CCPG1: variants seen among roughly 807,000 people sequenced by gnomAD.
CCPG1 encodes cell cycle progression 1, also known as cell cycle progression protein 1.
In CCPG1, 46 loss-of-function variants were observed where a neutral mutation model predicts 81.3. The ratio of observed to expected loss-of-function variants is 0.57; its 90% CI spans 0.45 to 0.72. CCPG1 has a LOEUF of 0.72. Ranked by LOEUF, CCPG1 falls within the 30% of genes least tolerant of loss-of-function variation. CCPG1 has a pLI of 0.00. For missense variants in CCPG1, 902 were observed against 937.6 expected, an observed-to-expected ratio of 0.96 and a Z score of 0.50; for synonymous variants, 330 against 305.2, an observed-to-expected ratio of 1.08 and a Z score of -0.85.
chr15:55,406,056 G>C lies in CCPG1; in HGVS notation c.-10+2165C>G, dbSNP rs1229365058. 3.9e-5 allele frequency among the ~76,000 whole-genome samples: 6 copies of C among 152,300 alleles called. No homozygotes were observed. In the East Asian group the frequency reaches 1.2e-3, roughly 29 times the overall value. ...ATTTTTGTATTTTTAGTAGAGACGG[G>C]GTTTTGCCACGTTGGCCAGGCTGGC... On this transcript the variant is annotated intron_variant, in intron 1 of 8. Transcript: ENST00000442196.
At chr15:55,382,708 A>G (rs1401014420) in intron 3 of CCPG1, among the ~76,000 whole-genome samples, 1 of 151,962 alleles carries the variant, frequency 6.6e-6, no homozygotes, top group Non-Finnish European at 1.5e-5. Flanking sequence ...ATGGGATTTC[A>G]CCGTGTGAGC....
intron 5 of CCPG1, among the ~76,000 whole-genome samples, chr15:55,375,193 A>G (rs1343484677): frequency 6.6e-6 from 1 of 152,212 alleles, no homozygotes; most frequent in African/African-American, 2.4e-5. Flanking sequence ...CAACTTCCTG[A>G]AAAAAGTTAA....
intron 1 of CCPG1, among the ~76,000 whole-genome samples, chr15:55,395,927 A>G (rs1040831249): frequency 6.6e-6 from 1 of 152,102 alleles, no homozygotes; most frequent in East Asian, 1.9e-4. Flanking sequence ...AGGCCAAGGC[A>G]GGCAGATCAG....
At position 55,387,941 on chromosome 15, in the gene CCPG1, CG is replaced by C. The variant is rs2056835657; in HGVS notation, c.60+1423del. Among the ~76,000 whole-genome samples the C allele has an allele frequency of 4.7e-5, 7 of 148,906 alleles. No homozygotes were observed. The South Asian group carries it at 1.6e-3, about 33-fold the overall frequency. On this transcript the variant is annotated intron_variant, in intron 2 of 8. Transcript: ENST00000442196. ...CCGAGGCGGGCGGATCACCTGGCGT[CG>C]GGAGTTCGAGACCAGCCTGACCAAC...
intron 6 of CCPG1, among the ~76,000 whole-genome samples, chr15:55,368,106 G>C (rs916407509): frequency 2.0e-5 from 3 of 152,184 alleles, no homozygotes; most frequent in African/African-American, 7.2e-5. Flanking sequence ...GGTATATGGA[G>C]AGGTGACTTT....
chr15:55,382,928 T>C (rs1304166782), intron 3 of CCPG1, among the ~76,000 whole-genome samples: 5 of 152,200 alleles, frequency 3.3e-5, no homozygotes, highest in African/African-American at 9.6e-5. Context: ...TCCAAACTCC[T>C]GTTAATGTTG....
chr15:55,356,577 T>C, intron 8 of CCPG1, 168 bp from the exon 9 acceptor site: 40 of 1,236,766 alleles, frequency 3.2e-5, no homozygotes, highest in Non-Finnish European at 4.1e-5. Context: ...GGAGTCTGTA[T>C]TAGTTTTTTT....
chr15:55,365,741 C>G (rs756074069), intron 6 of CCPG1, among the ~76,000 whole-genome samples: 17 of 151,388 alleles, frequency 1.1e-4, no homozygotes, highest in Non-Finnish European at 2.2e-4. Context: ...ACAATCATTT[C>G]ATTCAGAGTA....
At chr15:55,379,262 C>T (rs1463115496) in intron 3 of CCPG1, among the ~76,000 whole-genome samples, 2 of 151,150 alleles carry the variant, frequency 1.3e-5, no homozygotes, top group Non-Finnish European at 2.9e-5. Context: ...TGACTCATAC[C>T]TGTCACCCTA....
At chr15:55,390,250 G>T (rs1045138500) in intron 1 of CCPG1, among the ~76,000 whole-genome samples, 3 of 152,144 alleles carry the variant, frequency 2.0e-5, no homozygotes, top group African/African-American at 7.2e-5. Context: ...AAATAACTGT[G>T]TCAGCAATAC....
chr15:55,365,419 G>GTTTTTTTTTTTTTGTTTTTTTTTTTTT (rs111247245), intron 6 of CCPG1, 110 bp from the exon 7 acceptor site: 1 of 446,370 alleles, frequency 2.2e-6, no homozygotes, highest in African/African-American at 2.9e-5. Flanking sequence ...TCTTTTTTTT[G>GTTTTTTTTTTTTTGTTTTTTTTTTTTT]TTTTTTTTTT....
intron 6 of CCPG1, among the ~76,000 whole-genome samples, chr15:55,370,902 A>C (rs1458169554): frequency 7.3e-6 from 1 of 137,120 alleles, no homozygotes; most frequent in Admixed American, 7.3e-5. Flanking sequence ...AAAAAAAAAA[A>C]GACTTCGAGA....
Position 55,356,706 on chromosome 15 carries a change from C to T in CCPG1, c.2235-297G>A, listed in dbSNP as rs955346128. 15 of 1,084,862 alleles carry T rather than the reference C, an allele frequency of 1.4e-5. 1 individual carries two copies. The Middle Eastern group carries it at 2.1e-3, about 151-fold the overall frequency. The allele number at this position is 1,084,862 out of a possible 1,614,324, so 67.2% of individuals were successfully genotyped here. On this transcript the variant is annotated intron_variant, in intron 8 of 8. Transcript: ENST00000442196. Reference sequence around the variant, plus strand: ...ATGAGATGTGTTTCCATTATTTTTCCTCCTTTCCTATAAAAATCAGTCCCT... The same window carrying T: ...ATGAGATGTGTTTCCATTATTTTTCTTCCTTTCCTATAAAAATCAGTCCCT...
chr15:55,406,455 T>G (rs1292514978), intron 1 of CCPG1, among the ~76,000 whole-genome samples: 1 of 145,616 alleles, frequency 6.9e-6, no homozygotes, highest in East Asian at 2.0e-4. Context: ...TTTTTGTTTT[T>G]TTTTTTTTGT....
intron 8 of CCPG1, 81 bp from the exon 9 acceptor site, chr15:55,356,490 T>G: frequency 7.6e-7 from 1 of 1,323,410 alleles, no homozygotes; most frequent in Non-Finnish European, 1.0e-6. Context: ...GTTTTCTCCA[T>G]TAATCTATGA....
At chr15:55,395,668 G>A (rs1295108327) in intron 1 of CCPG1, among the ~76,000 whole-genome samples, 2 of 151,814 alleles carry the variant, frequency 1.3e-5, no homozygotes, top group Non-Finnish European at 2.9e-5. Flanking sequence ...ACCATCCCTT[G>A]ACCCCATCCC....
intron 3 of CCPG1, 54 bp downstream of exon 3, chr15:55,385,546 A>G: frequency 2.3e-6 from 2 of 866,118 alleles, no homozygotes; most frequent in Non-Finnish European, 1.8e-6. Flanking sequence ...CAAGACTCAT[A>G]ATATCACTCA....
chr15:55,371,221 A>G (rs1006127131), intron 6 of CCPG1, among the ~76,000 whole-genome samples: 7 of 152,242 alleles, frequency 4.6e-5, no homozygotes, highest in African/African-American at 1.7e-4. Context: ...AAAGCTTTGA[A>G]TTGATAAGAT....
intron 5 of CCPG1, chr15:55,372,771 C>A: frequency 6.8e-6 from 2 of 293,780 alleles, no homozygotes; most frequent in South Asian, 6.5e-5. Context: ...TTAAGTGCAA[C>A]TATTTAAGGA....
Sources: gnomAD v4.1 joint callset for allele counts (sites outside exome capture counted in the v4.1 genomes callset) on GRCh38, gnomAD v4.1.1 for gene constraint, MANE v1.5 for transcripts, NCBI Gene and HGNC (gene_info 2026-07-23, HGNC 2026-07-21) for gene names.